The following GUCY1A2 variants were observed in gnomAD, a reference collection of about 807,000 sequenced individuals.
GUCY1A2 encodes the protein guanylate cyclase soluble subunit alpha-2.
In GUCY1A2, 27 loss-of-function variants were observed where a neutral mutation model predicts 63.5. That is an observed-to-expected ratio of 0.43 (90% CI 0.31 to 0.59). The LOEUF is 0.59. Ranked by LOEUF, GUCY1A2 falls within the 20% of genes least tolerant of loss-of-function variation. GUCY1A2 has a pLI of 0.11. For missense variants in GUCY1A2, 768 were observed against 913.3 expected (o/e 0.84, Z 2.05); for synonymous variants, 364 against 343.5 (o/e 1.06, Z -0.66).
intron 4 of GUCY1A2, chr11:106,827,077 C>G: frequency 6.6e-7 from 1 of 1,514,868 alleles, no homozygotes; most frequent in Non-Finnish European, 9.2e-7. Flanking sequence ...CTTCAAAATT[C>G]TAAACTCATC....
At chr11:107,014,570 T>C (rs1861794118) in intron 1 of GUCY1A2, among the ~76,000 whole-genome samples, 2 of 152,218 alleles carry the variant, frequency 1.3e-5, no homozygotes, top group Admixed American at 1.3e-4. Flanking sequence ...TATTAAATAG[T>C]ATTAGAAATT....
chr11:106,756,828 G>A (rs186092301), intron 6 of GUCY1A2, among the ~76,000 whole-genome samples: 6 of 152,112 alleles, frequency 3.9e-5, no homozygotes, highest in Admixed American at 3.9e-4. Flanking sequence ...ATGTTTCTTG[G>A]GGTTGCTCTT....
chr11:106,962,996 A>C (rs1259565759), intron 3 of GUCY1A2, among the ~76,000 whole-genome samples: 1 of 152,284 alleles, frequency 6.6e-6, no homozygotes, highest in South Asian at 2.1e-4. Flanking sequence ...CACGCCTATT[A>C]GTTCAGTAAA....
At chr11:106,899,851 G>A (rs376528599) in intron 4 of GUCY1A2, among the ~76,000 whole-genome samples, 26 of 152,014 alleles carry the variant, frequency 1.7e-4, no homozygotes, top group African/African-American at 6.0e-4. Context: ...TTGGGAGGCC[G>A]AGGAGGGCAG....
intron 6 of GUCY1A2, among the ~76,000 whole-genome samples, chr11:106,768,518 C>T (rs974629362): frequency 1.3e-5 from 2 of 151,938 alleles, no homozygotes; most frequent in Non-Finnish European, 2.9e-5. Context: ...TTAATGTATA[C>T]ACAGTATATA....
intron 3 of GUCY1A2, among the ~76,000 whole-genome samples, chr11:106,965,939 A>AT (rs1402096516): frequency 6.6e-6 from 1 of 151,568 alleles, no homozygotes; most frequent in East Asian, 1.9e-4. Context: ...AAAAAAAAAA[A>AT]AGTTCATTTC....
At chr11:106,723,692 G>A (rs1250602909) in intron 6 of GUCY1A2, among the ~76,000 whole-genome samples, 1 of 152,166 alleles carries the variant, frequency 6.6e-6, no homozygotes, top group Non-Finnish European at 1.5e-5. Context: ...GCATGGTGGC[G>A]CATGCCTGTA....
At chr11:106,980,929 T>TA (rs1861326635) in intron 2 of GUCY1A2, among the ~76,000 whole-genome samples, 2 of 152,162 alleles carry the variant, frequency 1.3e-5, no homozygotes, top group Non-Finnish European at 2.9e-5. Flanking sequence ...AGAATGACCT[T>TA]AAAAAAGTAC....
chr11:107,004,256 A>C (rs75030499), intron 1 of GUCY1A2, among the ~76,000 whole-genome samples: 3,316 of 152,344 alleles, frequency 0.022, 100 homozygotes, highest in African/African-American at 0.073. Flanking sequence ...GGAGTTAAAC[A>C]GAACAAGATT....
chr11:106,864,924 G>C (rs1011540643), intron 4 of GUCY1A2, among the ~76,000 whole-genome samples: 2 of 152,080 alleles, frequency 1.3e-5, no homozygotes, highest in Non-Finnish European at 2.9e-5. Flanking sequence ...GATGATGCTG[G>C]CCTCATAAAA....
At chr11:106,998,005 T>C (rs2120173607) in intron 1 of GUCY1A2, among the ~76,000 whole-genome samples, 1 of 152,240 alleles carries the variant, frequency 6.6e-6, no homozygotes, top group South Asian at 2.1e-4. Context: ...CACTAATGCC[T>C]TGTATCTTTA....
In GUCY1A2 at chr11:106,686,745, A is replaced by G; in HGVS notation, c.*804T>C. The G allele has an allele frequency of 4.9e-6, 1 of 202,210 alleles. No individual in the cohort carries two copies. The highest frequency in any genetic ancestry group is 1.0e-5 in the Non-Finnish European group (1 of 98,256). 12.5% of individuals were successfully genotyped at this position (202,210 alleles called of 1,614,324 possible). On this transcript the variant is annotated 3_prime_UTR_variant, in exon 8 of 8. Transcript: ENST00000526355. ...TTTCTTTAATCTTGGTTACAGATAC[A>G]TCTGGTGTTAGGAAATTCCATTTCC...
At chr11:106,948,498 T>A (rs924299242) in intron 3 of GUCY1A2, among the ~76,000 whole-genome samples, 1 of 152,066 alleles carries the variant, frequency 6.6e-6, no homozygotes, top group Non-Finnish European at 1.5e-5. Flanking sequence ...TTGAATAAAA[T>A]AAGATATAAA....
chr11:106,751,771 C>T (rs1303204316), intron 6 of GUCY1A2, among the ~76,000 whole-genome samples: 1 of 151,720 alleles, frequency 6.6e-6, no homozygotes, highest in African/African-American at 2.4e-5. Flanking sequence ...TATTTAGTAC[C>T]TTGTATTAAG....
intron 3 of GUCY1A2, among the ~76,000 whole-genome samples, chr11:106,957,854 A>G (rs1197580887): frequency 2.1e-5 from 2 of 95,912 alleles, no homozygotes; most frequent in Admixed American, 1.3e-4. Context: ...AAAGGGACAA[A>G]CTTTTTTTTT....
At chr11:107,013,297 T>C (rs1026457075) in intron 1 of GUCY1A2, among the ~76,000 whole-genome samples, 11 of 152,180 alleles carry the variant, frequency 7.2e-5, no homozygotes, top group African/African-American at 2.7e-4. Context: ...CTTGCCCTTA[T>C]ATGACTCTAG....
intron 7 of GUCY1A2, among the ~76,000 whole-genome samples, chr11:106,696,274 C>T (rs1862717676): frequency 6.6e-6 from 1 of 152,132 alleles, no homozygotes; most frequent in African/African-American, 2.4e-5. Context: ...AACTTTAAAA[C>T]ATTCATGCAA....
chr11:106,777,828 A>AT (rs937151275), intron 5 of GUCY1A2, among the ~76,000 whole-genome samples: 1 of 152,144 alleles, frequency 6.6e-6, no homozygotes, highest in Non-Finnish European at 1.5e-5. Context: ...CTAAAGTATA[A>AT]TTTTTAAAAA....
At chr11:106,824,879 G>A (rs1858946509) in intron 4 of GUCY1A2, 2 of 1,612,278 alleles carry the variant, frequency 1.2e-6, no homozygotes, top group Non-Finnish European at 1.7e-6. Flanking sequence ...GCAACTTCCA[G>A]AAGAAGGCTG....
Sources: gnomAD v4.1 joint callset for allele counts (sites outside exome capture counted in the v4.1 genomes callset) on GRCh38, gnomAD v4.1.1 for gene constraint, MANE v1.5 for transcripts, NCBI Gene and HGNC (gene_info 2026-07-23, HGNC 2026-07-21) for gene names.